The following CNTN1 variants were observed in gnomAD, a reference collection of about 807,000 sequenced individuals.
The protein encoded by CNTN1 is contactin-1.
In CNTN1, 38 loss-of-function variants were observed where a neutral mutation model predicts 126.4. The ratio of observed to expected loss-of-function variants is 0.30; its 90% CI spans 0.23 to 0.39. CNTN1 has a LOEUF of 0.39. Ranked by LOEUF, CNTN1 falls within the 10% of genes least tolerant of loss-of-function variation. The pLI is 1.00. For synonymous variants in CNTN1, 413 were observed against 422.6 expected, an observed-to-expected ratio of 0.98 and a Z score of 0.28; for missense variants, 1,009 against 1,248.4, an observed-to-expected ratio of 0.81 and a Z score of 2.89.
chr12:40,858,080 T>C (rs986087959), intron 1 of CNTN1, among the ~76,000 whole-genome samples: 7 of 152,128 alleles, frequency 4.6e-5, no homozygotes, highest in African/African-American at 1.7e-4. Flanking sequence ...GAGCTTGGTG[T>C]TCTCTTTCAG....
chr12:40,811,416 C>T (rs1054037555), intron 1 of CNTN1, among the ~76,000 whole-genome samples: 6 of 152,016 alleles, frequency 3.9e-5, no homozygotes, highest in Non-Finnish European at 7.4e-5. Flanking sequence ...TAAAGCTGGC[C>T]TCATTAAAAT....
At chr12:40,949,345 C>T (rs1315260487) in intron 14 of CNTN1, among the ~76,000 whole-genome samples, 2 of 150,942 alleles carry the variant, frequency 1.3e-5, no homozygotes, top group Non-Finnish European at 2.9e-5. Context: ...CATATGTATA[C>T]ATGTGCCATG....
intron 17 of CNTN1, among the ~76,000 whole-genome samples, chr12:41,014,026 T>C (rs751259855): frequency 6.6e-6 from 1 of 152,226 alleles, no homozygotes; most frequent in African/African-American, 2.4e-5. Flanking sequence ...CAAATCAATT[T>C]TTATCTTGGC....
intron 16 of CNTN1, among the ~76,000 whole-genome samples, chr12:40,984,078 A>C (rs1343795357): frequency 6.7e-6 from 1 of 149,750 alleles, no homozygotes; most frequent in Non-Finnish European, 1.5e-5. Flanking sequence ...AAATAAAGCT[A>C]TCTAGGGGAA....
At chr12:40,693,839 G>C (rs1299818058) in intron 1 of CNTN1, among the ~76,000 whole-genome samples, 3 of 152,182 alleles carry the variant, frequency 2.0e-5, no homozygotes, top group Non-Finnish European at 4.4e-5. Context: ...GAAGCATTCA[G>C]ACTGCTGAAA....
chr12:40,942,426 C>T (rs1299633458), intron 12 of CNTN1, among the ~76,000 whole-genome samples: 1 of 152,128 alleles, frequency 6.6e-6, no homozygotes, highest in Non-Finnish European at 1.5e-5. Flanking sequence ...CTGCACTGCA[C>T]TTCTAAGAGT....
chr12:41,020,797 C>T (rs73116997), intron 20 of CNTN1, among the ~76,000 whole-genome samples: 18,650 of 152,128 alleles, frequency 0.12, 1,336 homozygotes, highest in Non-Finnish European at 0.16. Flanking sequence ...TAGAAGCATC[C>T]TGAAAATAGT....
At chr12:40,866,058 T>C (rs1943283619) in intron 1 of CNTN1, among the ~76,000 whole-genome samples, 1 of 152,078 alleles carries the variant, frequency 6.6e-6, no homozygotes, top group Non-Finnish European at 1.5e-5. Context: ...TTCCTAAGTA[T>C]GTTATTCGTC....
At chr12:40,786,986 A>G (rs1395391374) in intron 1 of CNTN1, among the ~76,000 whole-genome samples, 3 of 152,124 alleles carry the variant, frequency 2.0e-5, no homozygotes, top group Non-Finnish European at 4.4e-5. Context: ...CACATATTTA[A>G]TTATTCATTT....
intron 17 of CNTN1, among the ~76,000 whole-genome samples, chr12:41,012,225 T>C (rs1948677170): frequency 1.3e-5 from 2 of 152,148 alleles, no homozygotes; most frequent in Admixed American, 6.5e-5. Context: ...GGAAATGCCA[T>C]GTGCTCTCTA....
chr12:40,811,820 A>T (rs1941076414), intron 1 of CNTN1, among the ~76,000 whole-genome samples: 3 of 48,914 alleles, frequency 6.1e-5, no homozygotes, highest in Non-Finnish European at 1.9e-4. Flanking sequence ...TGTTAACTTT[A>T]TCTTTTCAAA....
At chr12:40,917,772 C>G (rs1299144406) in intron 3 of CNTN1, among the ~76,000 whole-genome samples, 1 of 152,016 alleles carries the variant, frequency 6.6e-6, no homozygotes, top group Admixed American at 6.6e-5. Context: ...TTTTCTTCTC[C>G]TCATCCTGCT....
At chr12:40,835,006 T>A (rs1287784514) in intron 1 of CNTN1, among the ~76,000 whole-genome samples, 3 of 152,206 alleles carry the variant, frequency 2.0e-5, no homozygotes, top group African/African-American at 7.2e-5. Context: ...AAAATAATAC[T>A]GATGCATAGT....
At chr12:41,009,986 A>G (rs1948604445) in intron 17 of CNTN1, among the ~76,000 whole-genome samples, 1 of 152,190 alleles carries the variant, frequency 6.6e-6, no homozygotes, top group Non-Finnish European at 1.5e-5. Context: ...GCATGTGTCA[A>G]TAATAGGTTT....
intron 1 of CNTN1, among the ~76,000 whole-genome samples, chr12:40,734,830 T>TCCTG (rs1438952402): frequency 2.0e-5 from 3 of 152,100 alleles, no homozygotes; most frequent in Non-Finnish European, 2.9e-5. Context: ...AACATCTGGG[T>TCCTG]CAGGAAACCT....
At chr12:41,008,614 A>C (rs1566133624) in intron 17 of CNTN1, among the ~76,000 whole-genome samples, 1 of 152,160 alleles carries the variant, frequency 6.6e-6, no homozygotes, top group Non-Finnish European at 1.5e-5. Context: ...GACATGCTTA[A>C]ACTTTCTGGC....
At chr12:41,016,612 T>C in intron 18 of CNTN1, 70 bp from the exon 19 acceptor site, 3 of 957,144 alleles carry the variant, frequency 3.1e-6, no homozygotes, top group Non-Finnish European at 5.1e-6. Context: ...TGTGTGTCAT[T>C]ATCCCCATAG....
chr12:40,967,458 C>T lies in CNTN1; in HGVS notation c.1804+8224C>T, dbSNP rs191201811. On this transcript the variant is annotated intron_variant, in intron 15 of 23. Coordinates refer to ENST00000551295, the MANE Select transcript of CNTN1 (RefSeq NM_001843.4). ...TCGTGCCACTGCACTCTAGCCTGGG[C>T]GACAGAGTGAGACTGTCTCAAAAAA... Among the ~76,000 whole-genome samples, 590 of 152,074 alleles carry T rather than the reference C, an allele frequency of 3.9e-3. 3 individuals are homozygous for T. The highest frequency in any genetic ancestry group is 0.013 in the African/African-American group (546 of 41,492).
intron 1 of CNTN1, among the ~76,000 whole-genome samples, chr12:40,802,249 T>A (rs1474477664): frequency 1.3e-5 from 2 of 151,938 alleles, no homozygotes. Context: ...AAAGATGACA[T>A]CTATAACAGG....
Sources: allele counts gnomAD v4.1 joint callset (sites outside exome capture counted in the v4.1 genomes callset), GRCh38; gene constraint gnomAD v4.1.1; transcripts MANE v1.5; gene names NCBI Gene and HGNC (gene_info 2026-07-23, HGNC 2026-07-21).